PKNOX1: variants seen among roughly 807,000 people sequenced by gnomAD.
PKNOX1 encodes the protein homeobox protein PKNOX1.
Under a neutral mutation model 51.9 loss-of-function variants are expected in PKNOX1, and 15 were observed. That is an observed-to-expected ratio of 0.29 (90% CI 0.19 to 0.45). The LOEUF is 0.45. Ranked by LOEUF, PKNOX1 falls within the 20% of genes least tolerant of loss-of-function variation. PKNOX1 has a pLI of 1.00. For missense variants in PKNOX1, 462 were observed against 547.5 expected, an observed-to-expected ratio of 0.84 and a Z score of 1.56; for synonymous variants, 219 against 211.1, an observed-to-expected ratio of 1.04 and a Z score of -0.32.
At position 43,032,975 on chromosome 21, in the gene PKNOX1, G is replaced by A. The variant is rs1175134362; in HGVS notation, c.*2874G>A. On this transcript the variant is annotated 3_prime_UTR_variant, in exon 11 of 11. Coordinates refer to ENST00000291547, the MANE Select transcript of PKNOX1 (RefSeq NM_004571.5). ...TGGACAGTGGAGAGAATCTGTAAAA[G>A]TGTGACCCCCTCTAAGATTTCGTTT... is the stretch of plus-strand genomic sequence containing the variant. 1.3e-5 allele frequency: 2 copies of A among 152,170 alleles called. No homozygotes were observed. Among genetic ancestry groups the A allele is most frequent in the Non-Finnish European group, 2.9e-5 (2 of 68,046 alleles). The allele number at this position is 152,170 out of a possible 1,614,324, so 9.4% of individuals were successfully genotyped here. A position where few individuals can be genotyped will look rare whatever the true frequency, so the allele number is the denominator to read the frequency against.
chr21:42,974,866 C>A (rs1380711497), intron 1 of PKNOX1, among the ~76,000 whole-genome samples: 17 of 145,680 alleles, frequency 1.2e-4, no homozygotes, highest in Admixed American at 1.1e-3. Context: ...GGGAGGGGAG[C>A]GGGCACCCGC....
At chr21:43,015,796 A>T (rs980480791) in intron 5 of PKNOX1, among the ~76,000 whole-genome samples, 1 of 150,786 alleles carries the variant, frequency 6.6e-6, no homozygotes. Context: ...TTTATTTCTG[A>T]TATTGATCTT....
chr21:42,994,778 C>T (rs1978416697), intron 1 of PKNOX1, among the ~76,000 whole-genome samples: 2 of 152,084 alleles, frequency 1.3e-5, no homozygotes, highest in African/African-American at 4.8e-5. Context: ...CAAAATAACA[C>T]TCAATCTCTA....
At chr21:43,016,726 G>A (rs946049545) in intron 5 of PKNOX1, among the ~76,000 whole-genome samples, 182 bp from the exon 6 acceptor site, 5 of 152,180 alleles carry the variant, frequency 3.3e-5, no homozygotes, top group Admixed American at 2.0e-4. Context: ...ATACACAGTT[G>A]AACATCTCTT....
intron 1 of PKNOX1, among the ~76,000 whole-genome samples, chr21:43,001,071 G>C (rs190913843): frequency 7.9e-5 from 12 of 152,326 alleles, no homozygotes; most frequent in African/African-American, 2.9e-4. Flanking sequence ...AGATTTGGAG[G>C]AGAGCCAGGT....
rs192664391 is a variant in PKNOX1, at chr21:42,976,609, A to T, written c.-57+1945A>T. On this transcript the variant is annotated intron_variant, in intron 1 of 10. Transcript: ENST00000291547. ...CAAATGTTTTGTTGTCATTTCCACA[A>T]TGTGCACAGCGTCTTCACTAGGAAT... Among the ~76,000 whole-genome samples, 24 of 152,358 alleles carry T rather than the reference A, an allele frequency of 1.6e-4. No homozygotes were observed. The East Asian group carries it at 3.9e-3, about 24-fold the overall frequency.
At chr21:42,988,076 C>T (rs1449959147) in intron 1 of PKNOX1, among the ~76,000 whole-genome samples, 2 of 149,484 alleles carry the variant, frequency 1.3e-5, no homozygotes, top group Non-Finnish European at 3.0e-5. Flanking sequence ...GTTTTTGAGA[C>T]GGAGTCTCAC....
rs1240995321 is a variant in PKNOX1, at chr21:43,032,772, A to T, written c.*2671A>T. 1 of 152,364 alleles carries T rather than the reference A, an allele frequency of 6.6e-6. No homozygotes were observed. Among genetic ancestry groups the T allele is most frequent in the Non-Finnish European group, 1.5e-5 (1 of 68,150 alleles). The allele number at this position is 152,364 out of a possible 1,614,324, so 9.4% of individuals were successfully genotyped here. A position where few individuals can be genotyped will look rare whatever the true frequency, so the allele number is the denominator to read the frequency against. On this transcript the variant is annotated 3_prime_UTR_variant, in exon 11 of 11. Coordinates refer to ENST00000291547, the MANE Select transcript of PKNOX1 (RefSeq NM_004571.5). Reference sequence around the variant, plus strand: ...CTAAATTCTTACTAAATTCAGAGGAATAGGATAAAGATCACTTAGAGAAAG... The same window carrying T: ...CTAAATTCTTACTAAATTCAGAGGATTAGGATAAAGATCACTTAGAGAAAG...
chr21:42,995,430 C>A (rs933132948), intron 1 of PKNOX1, among the ~76,000 whole-genome samples: 1 of 152,122 alleles, frequency 6.6e-6, no homozygotes. Context: ...GTAATCCCAG[C>A]GCTTTGGGAG....
intron 1 of PKNOX1, among the ~76,000 whole-genome samples, chr21:42,979,211 C>G (rs2059013694): frequency 6.6e-6 from 1 of 152,198 alleles, no homozygotes; most frequent in Non-Finnish European, 1.5e-5. Flanking sequence ...AATCACTGTT[C>G]CTGACCTGAA....
intron 7 of PKNOX1, among the ~76,000 whole-genome samples, chr21:43,020,203 G>T (rs1979693392): frequency 1.3e-5 from 2 of 152,202 alleles, no homozygotes; most frequent in Admixed American, 6.5e-5. Flanking sequence ...AAAGTACTGG[G>T]ATTACAGGTG....
intron 1 of PKNOX1, among the ~76,000 whole-genome samples, chr21:42,993,178 C>T (rs969477947): frequency 5.3e-4 from 81 of 152,240 alleles, no homozygotes; most frequent in African/African-American, 1.8e-3. Flanking sequence ...GGGAGAAATG[C>T]CATAGAGTTG....
At chr21:43,016,121 T>C (rs1979477760) in intron 5 of PKNOX1, among the ~76,000 whole-genome samples, 1 of 152,184 alleles carries the variant, frequency 6.6e-6, no homozygotes, top group Admixed American at 6.5e-5. Context: ...ATCACCGCCT[T>C]GGGGTGGCGT....
At chr21:43,012,766 C>T (rs1979310111) in intron 4 of PKNOX1, among the ~76,000 whole-genome samples, 1 of 152,138 alleles carries the variant, frequency 6.6e-6, no homozygotes, top group Non-Finnish European at 1.5e-5. Context: ...CTGCCTGCCA[C>T]AGAGCGAATC....
Position 43,033,402 on chromosome 21 carries a change from C to T in PKNOX1, c.*3301C>T, listed in dbSNP as rs1053845687. ...CCCTTGTGAAGGCCCATTCCTGGCA[C>T]TTAGAGACAGAAAGAACTCAGCAAT... On this transcript the variant is annotated 3_prime_UTR_variant, in exon 11 of 11. Coordinates refer to ENST00000291547, the MANE Select transcript of PKNOX1 (RefSeq NM_004571.5). 1.3e-5 allele frequency: 2 copies of T among 152,350 alleles called. No individual in the cohort carries two copies. Among genetic ancestry groups the T allele is most frequent in the African/African-American group, 4.8e-5 (2 of 41,370 alleles). 9.4% of individuals were successfully genotyped at this position (152,350 alleles called of 1,614,324 possible).
intron 1 of PKNOX1, among the ~76,000 whole-genome samples, chr21:42,999,108 T>C (rs1215775327): frequency 6.6e-6 from 1 of 152,162 alleles, no homozygotes; most frequent in Non-Finnish European, 1.5e-5. Context: ...TAGGCGGAGG[T>C]TCCCAAACCT....
At chr21:42,994,866 A>G (rs1978420452) in intron 1 of PKNOX1, among the ~76,000 whole-genome samples, 1 of 151,606 alleles carries the variant, frequency 6.6e-6, no homozygotes, top group Non-Finnish European at 1.5e-5. Flanking sequence ...TTTGAAACCA[A>G]GATCACATAC....
chr21:42,982,916 TCTC>T (rs1347812971), intron 1 of PKNOX1, among the ~76,000 whole-genome samples: 1 of 151,560 alleles, frequency 6.6e-6, no homozygotes, highest in Non-Finnish European at 1.5e-5. Flanking sequence ...TTCAGGCAAT[TCTC>T]CTGCCTCAGC....
intron 1 of PKNOX1, among the ~76,000 whole-genome samples, chr21:42,999,926 A>G (rs1289379341): frequency 6.6e-6 from 1 of 152,094 alleles, no homozygotes. Flanking sequence ...CAGATACCCT[A>G]AATCATCTCT....
Sources: gnomAD v4.1 joint callset for allele counts (sites outside exome capture counted in the v4.1 genomes callset) on GRCh38, gnomAD v4.1.1 for gene constraint, MANE v1.5 for transcripts, NCBI Gene and HGNC (gene_info 2026-07-23, HGNC 2026-07-21) for gene names.